The following DNAH5 variants were observed in gnomAD, a reference collection of about 807,000 sequenced individuals.
The protein encoded by DNAH5 is dynein axonemal heavy chain 5.
A neutral mutation model predicts 518.2 loss-of-function variants in DNAH5; 372 were observed. The ratio of observed to expected loss-of-function variants is 0.72; its 90% CI spans 0.66 to 0.78. DNAH5 has a LOEUF of 0.78. Ranked by LOEUF, DNAH5 falls within the 30% of genes least tolerant of loss-of-function variation. The pLI, the probability that DNAH5 is intolerant of heterozygous loss-of-function variation, is 0.00. For missense variants in DNAH5, 5,523 were observed against 5,687.0 expected, an observed-to-expected ratio of 0.97 and a Z score of 0.93; for synonymous variants, 2,039 against 2,025.9, an observed-to-expected ratio of 1.01 and a Z score of -0.17.
chr5:13,784,594 G>A (rs915349501), intron 52 of DNAH5, among the ~76,000 whole-genome samples: 1 of 152,124 alleles, frequency 6.6e-6, no homozygotes, highest in Non-Finnish European at 1.5e-5. Context: ...AGGAATGGTT[G>A]ACTAGATAAC....
intron 35 of DNAH5, among the ~76,000 whole-genome samples, chr5:13,834,608 G>C (rs897904989): frequency 6.6e-6 from 1 of 152,152 alleles, no homozygotes; most frequent in Non-Finnish European, 1.5e-5. Flanking sequence ...TGGAGATTGC[G>C]GGAGGTCGGG....
chr5:13,700,599 C>T lies in DNAH5; in HGVS notation c.13723+41G>A, dbSNP rs536407240. The T allele has an allele frequency of 1.4e-4, 221 of 1,554,600 alleles. 1 individual carries two copies. In the South Asian group the frequency reaches 2.0e-3, roughly 14 times the overall value. On this transcript the variant is annotated intron_variant, in intron 78 of 78. Transcript: ENST00000265104. ...TCCTGTGTTGATAATGTCATCCAAA[C>T]GAACAATGCGAGCCCTTACTGAAGG...
intron 75 of DNAH5, among the ~76,000 whole-genome samples, chr5:13,713,312 T>TAC (rs1743796308): frequency 6.8e-6 from 1 of 146,130 alleles, no homozygotes; most frequent in South Asian, 2.1e-4. Context: ...CATATATATA[T>TAC]ACCGACATAT....
At chr5:13,749,496 GC>G (rs1449255697) in intron 65 of DNAH5, among the ~76,000 whole-genome samples, 1 of 152,126 alleles carries the variant, frequency 6.6e-6, no homozygotes, top group African/African-American at 2.4e-5. Context: ...AGGAATTAAG[GC>G]CCAGTGATGG....
intron 2 of DNAH5, 104 bp downstream of exon 2, chr5:13,931,006 G>C: frequency 6.4e-7 from 1 of 1,566,530 alleles, no homozygotes; most frequent in South Asian, 1.1e-5. Context: ...CGTTAAGACA[G>C]GCACCTCCCT....
chr5:13,807,509 A>G lies in DNAH5; in HGVS notation c.7887+82T>C, dbSNP rs1214563302. 10 of 1,361,788 alleles carry G rather than the reference A, an allele frequency of 7.3e-6. No homozygotes were observed. In the East Asian group the frequency reaches 2.2e-4, roughly 30 times the overall value. 84.4% of individuals were successfully genotyped at this position (1,361,788 alleles called of 1,614,324 possible). A position where few individuals can be genotyped will look rare whatever the true frequency, so the allele number is the denominator to read the frequency against. On this transcript the variant is annotated intron_variant, in intron 47 of 78. Coordinates refer to ENST00000265104, the MANE Select transcript of DNAH5 (RefSeq NM_001369.3). Reference sequence around the variant, plus strand: ...GCTATGAAAATTCAGATGAGATTCAATTGAAGCAGAATAGTAGAGATTTGA... The same window carrying G: ...GCTATGAAAATTCAGATGAGATTCAGTTGAAGCAGAATAGTAGAGATTTGA...
intron 38 of DNAH5, among the ~76,000 whole-genome samples, chr5:13,827,656 A>ATTATGAATTG: frequency 6.6e-6 from 1 of 151,692 alleles, no homozygotes; most frequent in Non-Finnish European, 1.5e-5. Flanking sequence ...GCACGACTGT[A>ATTATGAATTG]TTATGAATTG....
intron 1 of DNAH5, among the ~76,000 whole-genome samples, chr5:14,009,890 T>G (rs1271302792): frequency 2.0e-5 from 3 of 152,188 alleles, no homozygotes; most frequent in African/African-American, 7.2e-5. Context: ...TGCAAACATT[T>G]TTGAGGTCAC....
chr5:13,963,919 C>T (rs1329578465), intron 1 of DNAH5, among the ~76,000 whole-genome samples: 3 of 152,176 alleles, frequency 2.0e-5, no homozygotes, highest in Non-Finnish European at 4.4e-5. Context: ...CCTGCCACCT[C>T]AGCCTCCCAA....
intron 2 of DNAH5, among the ~76,000 whole-genome samples, chr5:13,929,970 A>G (rs751915130): frequency 1.3e-5 from 2 of 152,332 alleles, no homozygotes; most frequent in Non-Finnish European, 2.9e-5. Flanking sequence ...ACCTCCTGGT[A>G]TTATGAAGAT....
intron 15 of DNAH5, 99 bp downstream of exon 15, chr5:13,900,106 TG>T: frequency 8.9e-7 from 1 of 1,122,850 alleles, no homozygotes; most frequent in Non-Finnish European, 1.3e-6. Flanking sequence ...CCATTCATCC[TG>T]GCCACTTTCT....
At chr5:13,961,580 G>T (rs2152047224) in intron 1 of DNAH5, among the ~76,000 whole-genome samples, 1 of 152,268 alleles carries the variant, frequency 6.6e-6, no homozygotes, top group South Asian at 2.1e-4. Flanking sequence ...GGAGGCAGAG[G>T]TTGCAGTGAG....
intron 75 of DNAH5, among the ~76,000 whole-genome samples, chr5:13,709,379 T>G (rs1447835159): frequency 6.6e-6 from 1 of 152,178 alleles, no homozygotes; most frequent in African/African-American, 2.4e-5. Flanking sequence ...TTTTTATTTT[T>G]TTATTTTTTA....
rs10069041 is a variant in DNAH5, at chr5:13,701,247, T to C, written c.13491+37A>G. The C allele has an allele frequency of 0.014, 22,664 of 1,613,620 alleles. 1,927 individuals carry two copies. The African/African-American group carries it at 0.22, about 16-fold the overall frequency. ...TGATGGAAAATCCTGTGGAGGAAAA[T>C]TATAATAACGCAACGGGTGCAAATC... On this transcript the variant is annotated intron_variant, in intron 77 of 78. Transcript: ENST00000265104.
At chr5:13,795,001 A>G (rs963611834) in intron 47 of DNAH5, among the ~76,000 whole-genome samples, 6 of 152,190 alleles carry the variant, frequency 3.9e-5, no homozygotes, top group African/African-American at 1.4e-4. Context: ...CCTTCATTGC[A>G]GTACACAAAA....
At chr5:13,787,034 A>G (rs1342070028) in intron 51 of DNAH5, among the ~76,000 whole-genome samples, 1 of 152,138 alleles carries the variant, frequency 6.6e-6, no homozygotes, top group Non-Finnish European at 1.5e-5. Context: ...AGCCTGACCA[A>G]CATGGTGAAA....
Position 13,716,671 on chromosome 5 carries a change from A to C in DNAH5, c.12725T>G (p.Ile4242Ser), listed in dbSNP as rs767681422. 6.2e-7 allele frequency: 1 copy of C among 1,613,496 alleles called. No individual in the cohort carries two copies. The highest frequency in any genetic ancestry group is 8.5e-7 in the Non-Finnish European group (1 of 1,179,506). ...DVKKGVSWTT[I>S]RYMIGEIQYG... ...TTGAATCTCTCCTATCATGTAGCGG[A>C]TGGTGGTCCAGGAGACACCCTGGGA... is the stretch of plus-strand genomic sequence containing the variant. The change falls in exon 74 of 79, where the codon ATC (isoleucine) becomes AGC (serine). Residue 4242 changes from isoleucine (I) to serine (S), a missense_variant. By Grantham distance (142) the Ile-to-Ser change is moderately radical. This residue lies in a region of DNAH5 where 5,121 missense variants were observed against 5,223.3 expected (regional missense o/e 0.98). Coordinates refer to ENST00000265104, the MANE Select transcript of DNAH5 (RefSeq NM_001369.3).
chr5:13,716,145 A>G (rs1366065457), intron 74 of DNAH5, among the ~76,000 whole-genome samples: 5 of 152,352 alleles, frequency 3.3e-5, no homozygotes, highest in African/African-American at 1.2e-4. Context: ...CTGCTGTGGC[A>G]GCCGAAGTTT....
intron 1 of DNAH5, among the ~76,000 whole-genome samples, chr5:13,989,538 C>T (rs1425257081): frequency 3.5e-5 from 5 of 143,584 alleles, no homozygotes; most frequent in Non-Finnish European, 7.5e-5. Flanking sequence ...GGCTGGAGTG[C>T]AGTGGCGCGA....
Sources: gnomAD v4.1 joint callset for allele counts (sites outside exome capture counted in the v4.1 genomes callset) on GRCh38, gnomAD v4.1.1 for gene constraint, gnomAD v4.1.1 regional missense constraint, MANE v1.5 for transcripts, NCBI Gene and HGNC (gene_info 2026-07-23, HGNC 2026-07-21) for gene names.